The following RNF170 variants were observed in gnomAD, a reference collection of about 807,000 sequenced individuals.
RNF170 encodes the protein E3 ubiquitin-protein ligase RNF170.
RNF170 carries 12 observed loss-of-function variants against 32.7 expected under a neutral mutation model. That is an observed-to-expected ratio of 0.37 (90% CI 0.24 to 0.60). The LOEUF (loss-of-function observed/expected upper bound fraction) is 0.60. RNF170 is among the 20% of genes least tolerant of loss of function. The pLI is 0.72. For missense variants in RNF170, 212 were observed against 311.2 expected, an observed-to-expected ratio of 0.68 and a Z score of 2.40; for synonymous variants, 91 against 103.6, an observed-to-expected ratio of 0.88 and a Z score of 0.74.
chr8:42,887,839 T>G lies in RNF170; in HGVS notation c.26A>C (p.Gln9Pro), dbSNP rs753813900. The G allele has an allele frequency of 3.1e-6, 5 of 1,614,004 alleles. No homozygotes were observed. In the South Asian group the frequency reaches 5.5e-5, roughly 18 times the overall value. The change falls in exon 2 of 7, where the codon CAA (glutamine) becomes CCA (proline). Residue 9 changes from glutamine to proline, a missense_variant. Gln to Pro is a moderately conservative substitution (Grantham distance 76). Coordinates refer to ENST00000527424, the MANE Select transcript of RNF170 (RefSeq NM_030954.4). The part of the protein sequence containing the change: MAKYQGEV[Q>P]SLKLDDDSVI... ...TGAATCATCATCCAGTTTCAAACTT[T>G]GAACTTCACCTTGATATTTGGCCAT...
chr8:42,850,812 G>A (rs1409331923), downstream of RNF170: 2 of 1,551,504 alleles, frequency 1.3e-6, no homozygotes, highest in Non-Finnish European at 1.7e-6. Context: ...ACCAAAGGAT[G>A]GAAACACAGT....
chr8:42,895,250 G>C (rs1416832016), intron 1 of RNF170, among the ~76,000 whole-genome samples: 2 of 152,124 alleles, frequency 1.3e-5, no homozygotes, highest in African/African-American at 4.8e-5. Flanking sequence ...AGGAGGCAGA[G>C]GTTGCAGTGA....
chr8:42,851,008 T>C, downstream of RNF170: 1 of 1,550,876 alleles, frequency 6.4e-7, no homozygotes, highest in Non-Finnish European at 8.7e-7. Context: ...CTACACACGG[T>C]AGTCAGAATG....
chr8:42,858,120 T>C (rs1563657215), intron 6 of RNF170, among the ~76,000 whole-genome samples: 1 of 152,190 alleles, frequency 6.6e-6, no homozygotes. Context: ...GGTTGCATTT[T>C]TAAAGAACCA....
Position 42,892,593 on chromosome 8 carries a change from G to A in RNF170, c.-8+3891C>T, listed in dbSNP as rs117353384. The stretch of plus-strand genomic sequence containing the variant: ...ATTTTATTATTATTAATCACAGAAT[G>A]TTAAGCACTTAGTTCCAAGCATATA... On this transcript the variant is annotated intron_variant, in intron 1 of 6. Transcript: ENST00000527424. 1.6e-3 allele frequency among the ~76,000 whole-genome samples: 241 copies of A among 151,434 alleles called. 9 individuals are homozygous for A. The East Asian group carries it at 0.042, about 27-fold the overall frequency.
At chr8:42,897,180 C>T (rs1807008259), upstream of RNF170, 4 of 1,247,874 alleles carry the variant, frequency 3.2e-6, no homozygotes, top group Admixed American at 4.1e-5. Context: ...CGAGAGCCTC[C>T]TCACTTGGGT....
chr8:42,850,951 T>C, downstream of RNF170: 1 of 1,551,608 alleles, frequency 6.4e-7, no homozygotes. Flanking sequence ...TGCAACAGCC[T>C]CTTGATGGGT....
At chr8:42,887,639 C>A in intron 2 of RNF170, 89 bp downstream of exon 2, 1 of 1,155,526 alleles carries the variant, frequency 8.7e-7, no homozygotes, top group Non-Finnish European at 1.3e-6. Context: ...CTGTTACTTG[C>A]TGTTCATATT....
At chr8:42,893,088 TAAAA>T (rs141926428) in intron 1 of RNF170, among the ~76,000 whole-genome samples, 2,314 of 152,264 alleles carry the variant, frequency 0.015, 28 homozygotes, top group Non-Finnish European at 0.022. Context: ...CTATAAAAAT[TAAAA>T]ATACATTTTT....
chr8:42,861,679 C>A (rs1310921229), intron 6 of RNF170, 66 bp downstream of exon 6: 3 of 1,265,846 alleles, frequency 2.4e-6, no homozygotes, highest in South Asian at 1.2e-5. Context: ...TGTTGGTAAA[C>A]CTCACTTTAC....
At chr8:42,896,748 A>AGCGGCGGCGGCGGCGGCGGCGGCGGCGGC (rs1330541694), upstream of RNF170, 5 of 145,666 alleles carry the variant, frequency 3.4e-5, no homozygotes, top group African/African-American at 1.2e-4. Context: ...GCCCGGCGGC[A>AGCGGCGGCGGCGGCGGCGGCGGCGGCGGC]GCGGCGGCGG....
At chr8:42,853,194 G>T, downstream of RNF170, 1 of 328,224 alleles carries the variant, frequency 3.0e-6, no homozygotes, top group Non-Finnish European at 5.3e-6. Flanking sequence ...ATGAGATATT[G>T]GATGTCCATT....
rs1031557036 is a variant in RNF170, at chr8:42,854,866, T to C, written c.*1293A>G. 1 of 1,287,248 alleles carries C rather than the reference T, an allele frequency of 7.8e-7. No homozygotes were observed. Among genetic ancestry groups the C allele is most frequent in the African/African-American group, 1.5e-5 (1 of 65,922 alleles). The allele number at this position is 1,287,248 out of a possible 1,614,324, so 79.7% of individuals were successfully genotyped here. A position where few individuals can be genotyped will look rare whatever the true frequency, so the allele number is the denominator to read the frequency against. ...ACTGAGTCTTCTCAGATACATTCAC[T>C]TGTTTGGCTCAAGACATGAATCTGA... is the stretch of plus-strand genomic sequence containing the variant. On this transcript the variant is annotated 3_prime_UTR_variant, in exon 7 of 7. Transcript: ENST00000527424.
At chr8:42,857,716 T>C (rs1221294682) in intron 6 of RNF170, among the ~76,000 whole-genome samples, 2 of 152,220 alleles carry the variant, frequency 1.3e-5, no homozygotes, top group African/African-American at 4.8e-5. Context: ...AATAGTATGC[T>C]TCACATTTTA....
At chr8:42,887,555 C>A (rs1211243142) in intron 2 of RNF170, among the ~76,000 whole-genome samples, 173 bp downstream of exon 2, 1 of 152,066 alleles carries the variant, frequency 6.6e-6, no homozygotes, top group Non-Finnish European at 1.5e-5. Context: ...CAGCTGATGA[C>A]AGGAAATATA....
chr8:42,861,652 C>A, intron 6 of RNF170, 93 bp downstream of exon 6: 1 of 1,067,858 alleles, frequency 9.4e-7, no homozygotes, highest in South Asian at 1.3e-5. Context: ...CAAGATTTCT[C>A]ATAGTCAAAG....
chr8:42,887,641 GTTCATATTAAGTATTATACATTAT>G (rs1462012307), intron 2 of RNF170, 63 bp downstream of exon 2: 4 of 1,196,166 alleles, frequency 3.3e-6, no homozygotes, highest in Middle Eastern at 3.8e-4. Context: ...GTTACTTGCT[GTTCATATTAAGTATTATACATTAT>G]TAGGGGTCAA....
intron 2 of RNF170, among the ~76,000 whole-genome samples, chr8:42,882,955 T>C (rs1331958369): frequency 1.3e-5 from 2 of 151,566 alleles, no homozygotes; most frequent in African/African-American, 4.9e-5. Context: ...CTCAGCTAAA[T>C]GGGAGGCTGA....
intron 2 of RNF170, among the ~76,000 whole-genome samples, chr8:42,886,691 T>G (rs1445518209): frequency 1.3e-5 from 2 of 151,972 alleles, no homozygotes; most frequent in Non-Finnish European, 2.9e-5. Flanking sequence ...CCTCCCAAGG[T>G]GCTGGGATTA....
Sources: allele counts gnomAD v4.1 joint callset (sites outside exome capture counted in the v4.1 genomes callset), GRCh38; gene constraint gnomAD v4.1.1; transcripts MANE v1.5; gene names NCBI Gene and HGNC (gene_info 2026-07-23, HGNC 2026-07-21).